PPFIA2: variants seen among roughly 807,000 people sequenced by gnomAD.
PPFIA2 encodes liprin-alpha-2.
Under a neutral mutation model 175.5 loss-of-function variants are expected in PPFIA2, and 46 were observed. The observed-to-expected ratio is 0.26, with a 90% CI of 0.21 to 0.34. The LOEUF (loss-of-function observed/expected upper bound fraction) is 0.34. Ranked by LOEUF, PPFIA2 falls within the 10% of genes least tolerant of loss-of-function variation. The pLI is 1.00. For synonymous variants in PPFIA2, 568 were observed against 511.4 expected, an observed-to-expected ratio of 1.11 and a Z score of -1.49; for missense variants, 1,179 against 1,506.1, an observed-to-expected ratio of 0.78 and a Z score of 3.60.
At chr12:81,405,755 T>C (rs1294967542) in intron 8 of PPFIA2, 32 bp downstream of exon 8, 13 of 1,197,582 alleles carry the variant, frequency 1.1e-5, no homozygotes, top group African/African-American at 1.6e-5. Context: ...AAGTAAACAT[T>C]TCCATGTAAG....
chr12:81,588,382 G>T (rs1027509990), intron 4 of PPFIA2, among the ~76,000 whole-genome samples: 2 of 151,938 alleles, frequency 1.3e-5, no homozygotes, highest in African/African-American at 4.8e-5. Context: ...GTAAGTGAAT[G>T]TGTCCAGCCC....
At position 81,369,208 on chromosome 12, in the gene PPFIA2, T is replaced by C; in HGVS notation, c.1267-14A>G. Reference sequence around the variant, plus strand: ...TCTCTCTTCAGCCTGTTAAGAAATATGAAGAATACACCTGAAATGTAAGAT... The same window carrying C: ...TCTCTCTTCAGCCTGTTAAGAAATACGAAGAATACACCTGAAATGTAAGAT... On this transcript the variant is annotated splice_polypyrimidine_tract_variant and intron_variant, in intron 11 of 32. Coordinates refer to ENST00000549396, the MANE Select transcript of PPFIA2 (RefSeq NM_003625.5). 3 of 1,604,186 alleles carry C rather than the reference T, an allele frequency of 1.9e-6. No homozygotes were observed. The highest frequency in any genetic ancestry group is 2.6e-6 in the Non-Finnish European group (3 of 1,174,270).
At chr12:81,745,913 T>C (rs917769520) in intron 3 of PPFIA2, among the ~76,000 whole-genome samples, 1 of 152,232 alleles carries the variant, frequency 6.6e-6, no homozygotes, top group Non-Finnish European at 1.5e-5. Context: ...TCATTTCTCA[T>C]ACATGGAGTG....
chr12:81,262,480 A>G (rs557785073), intron 31 of PPFIA2, among the ~76,000 whole-genome samples: 1 of 152,320 alleles, frequency 6.6e-6, no homozygotes, highest in African/African-American at 2.4e-5. Flanking sequence ...ATCACAGTTT[A>G]TGTTGGAACT....
At chr12:81,316,094 GAA>G (rs1566095809) in intron 22 of PPFIA2, among the ~76,000 whole-genome samples, 1 of 151,288 alleles carries the variant, frequency 6.6e-6, no homozygotes, top group East Asian at 1.9e-4. Flanking sequence ...GTGTGTCTAC[GAA>G]AATATACTTA....
At chr12:81,665,617 G>A (rs971014094) in intron 4 of PPFIA2, among the ~76,000 whole-genome samples, 4 of 151,972 alleles carry the variant, frequency 2.6e-5, no homozygotes, top group Admixed American at 1.3e-4. Flanking sequence ...GAGGACTTGC[G>A]TTTGCCAGGC....
chr12:81,559,681 AC>A (rs1250371006), intron 4 of PPFIA2, among the ~76,000 whole-genome samples: 18 of 152,134 alleles, frequency 1.2e-4, no homozygotes, highest in African/African-American at 4.3e-4. Context: ...CAAAAGGAAA[AC>A]TTTTTTATAT....
rs913285654 is a variant in PPFIA2, at chr12:81,713,083, A to C, written c.250-36239T>G. Among the ~76,000 whole-genome samples, 11 of 151,218 alleles carry C rather than the reference A, an allele frequency of 7.3e-5. 1 individual carries two copies. Among genetic ancestry groups the C allele is most frequent in the African/African-American group, 1.9e-4 (8 of 41,388 alleles). On this transcript the variant is annotated intron_variant, in intron 3 of 32. Transcript: ENST00000549396. ...ATTATGCCAAATTTTTACCTGTGTG[A>C]TACATAGCCATGATTAATATTTTTG...
At chr12:81,678,968 C>CTTACA (rs1173631720) in intron 3 of PPFIA2, among the ~76,000 whole-genome samples, 37 of 151,922 alleles carry the variant, frequency 2.4e-4, no homozygotes, top group Middle Eastern at 3.4e-3. Flanking sequence ...ATTATCTGAT[C>CTTACA]TTACATGTTC....
chr12:81,600,185 G>A (rs1017998670), intron 4 of PPFIA2, among the ~76,000 whole-genome samples: 1 of 152,028 alleles, frequency 6.6e-6, no homozygotes, highest in East Asian at 1.9e-4. Context: ...GATTTCTTCT[G>A]TAATGGCTGG....
intron 4 of PPFIA2, among the ~76,000 whole-genome samples, chr12:81,659,539 G>A (rs1397810508): frequency 6.6e-6 from 1 of 152,194 alleles, no homozygotes; most frequent in Non-Finnish European, 1.5e-5. Context: ...GCTTGAAGAG[G>A]TAAACAAAGC....
At chr12:81,741,311 T>C (rs745803049) in intron 3 of PPFIA2, among the ~76,000 whole-genome samples, 1 of 152,322 alleles carries the variant, frequency 6.6e-6, no homozygotes, top group African/African-American at 2.4e-5. Flanking sequence ...TGTTTTCTTG[T>C]TTTCATTAAG....
intron 22 of PPFIA2, among the ~76,000 whole-genome samples, chr12:81,320,143 T>C (rs890424974): frequency 6.6e-6 from 1 of 152,014 alleles, no homozygotes; most frequent in African/African-American, 2.4e-5. Flanking sequence ...ATAAATATTT[T>C]CCATATCATT....
chr12:81,539,641 G>A (rs1450596150), intron 4 of PPFIA2, among the ~76,000 whole-genome samples: 1 of 151,868 alleles, frequency 6.6e-6, no homozygotes, highest in African/African-American at 2.4e-5. Flanking sequence ...AACCACTGCT[G>A]TAGAGGGGCA....
At chr12:81,446,426 C>T (rs1373336370) in intron 5 of PPFIA2, among the ~76,000 whole-genome samples, 2 of 152,090 alleles carry the variant, frequency 1.3e-5, no homozygotes, top group Admixed American at 6.6e-5. Context: ...TTAGCTTTTG[C>T]CAGAGGAGTT....
intron 8 of PPFIA2, among the ~76,000 whole-genome samples, chr12:81,399,451 G>C (rs1340306714): frequency 6.6e-6 from 1 of 152,066 alleles, no homozygotes; most frequent in Non-Finnish European, 1.5e-5. Context: ...CACCCAGAGC[G>C]ATTTGTTTTG....
intron 8 of PPFIA2, among the ~76,000 whole-genome samples, chr12:81,395,827 C>G (rs1344435155): frequency 6.6e-6 from 1 of 152,036 alleles, no homozygotes; most frequent in Non-Finnish European, 1.5e-5. Context: ...TCAGTCCCAC[C>G]CAGCTTCCAA....
At chr12:81,657,679 ATGTACCT>A (rs2068008488) in intron 4 of PPFIA2, among the ~76,000 whole-genome samples, 1 of 152,182 alleles carries the variant, frequency 6.6e-6, no homozygotes, top group South Asian at 2.1e-4. Flanking sequence ...ATGCAAACTG[ATGTACCT>A]TAAACAGTTG....
At chr12:81,587,678 C>T (rs868403258) in intron 4 of PPFIA2, among the ~76,000 whole-genome samples, 137 of 151,348 alleles carry the variant, frequency 9.1e-4, no homozygotes, top group Admixed American at 4.6e-4. Flanking sequence ...TTGAAATTAC[C>T]CAATTTATAA....
Sources: gnomAD v4.1 joint callset for allele counts (sites outside exome capture counted in the v4.1 genomes callset) on GRCh38, gnomAD v4.1.1 for gene constraint, MANE v1.5 for transcripts, NCBI Gene and HGNC (gene_info 2026-07-23, HGNC 2026-07-21) for gene names.